The following CDYL2 variants were observed in gnomAD, a reference collection of about 807,000 sequenced individuals.
CDYL2 encodes the protein chromodomain Y like 2.
A neutral mutation model predicts 49.4 loss-of-function variants in CDYL2; 23 were observed. The ratio of observed to expected loss-of-function variants is 0.47; its 90% CI spans 0.34 to 0.66. The LOEUF (loss-of-function observed/expected upper bound fraction) is 0.66, where lower values mean the gene tolerates loss of function less well. Ranked by LOEUF, CDYL2 falls within the 30% of genes least tolerant of loss-of-function variation. The pLI, the probability that CDYL2 is intolerant of heterozygous loss-of-function variation, is 0.01. For missense variants in CDYL2, 678 were observed against 656.4 expected (o/e 1.03, Z -0.36); for synonymous variants, 360 against 268.8 (o/e 1.34, Z -3.32).
intron 2 of CDYL2, among the ~76,000 whole-genome samples, chr16:80,651,317 G>A (rs573733800): frequency 5.3e-5 from 8 of 152,240 alleles, no homozygotes; most frequent in Admixed American, 2.0e-4. Context: ...TAGTAAATGC[G>A]TATTACTAAG....
At chr16:80,654,906 A>G (rs1908740152) in intron 2 of CDYL2, among the ~76,000 whole-genome samples, 1 of 152,196 alleles carries the variant, frequency 6.6e-6, no homozygotes, top group Non-Finnish European at 1.5e-5. Flanking sequence ...GCTTGTGTAG[A>G]GGGAGTTGTT....
chr16:80,746,685 G>A lies in CDYL2; in HGVS notation c.24+57465C>T, dbSNP rs780194680. ...AGAACACTACCAGGTAGCTTAGAAGGCCCCCTTTTGCAGGTGTGAGGGTGT... is the reference window on the plus strand; with the variant it reads ...AGAACACTACCAGGTAGCTTAGAAGACCCCCTTTTGCAGGTGTGAGGGTGT... On this transcript the variant is annotated intron_variant, in intron 1 of 6. Transcript: ENST00000570137. 5.3e-5 allele frequency among the ~76,000 whole-genome samples: 8 copies of A among 152,130 alleles called. No individual in the cohort carries two copies. In the East Asian group the frequency reaches 1.5e-3, roughly 29 times the overall value.
At chr16:80,644,457 C>G (rs1007632863) in intron 2 of CDYL2, among the ~76,000 whole-genome samples, 1 of 152,176 alleles carries the variant, frequency 6.6e-6, no homozygotes, top group African/African-American at 2.4e-5. Flanking sequence ...CAGCAACATC[C>G]CACTCTACTT....
intron 1 of CDYL2, among the ~76,000 whole-genome samples, chr16:80,694,882 A>G (rs1216484976): frequency 6.6e-6 from 1 of 152,176 alleles, no homozygotes; most frequent in African/African-American, 2.4e-5. Flanking sequence ...AAATAAATAA[A>G]CCCACAATGA....
rs201536537 is a variant in CDYL2, at chr16:80,761,703, ACATATTTT to A, written c.24+42439_24+42446del. The stretch of plus-strand genomic sequence containing the variant: ...AAAGCCCTAACTTTAGAAAACTAAA[ACATATTTT>A]GAGATTCAAAAGGTATATCTACATC... On this transcript the variant is annotated intron_variant, in intron 1 of 6. Transcript: ENST00000570137. Among the ~76,000 whole-genome samples, 969 of 151,928 alleles carry A rather than the reference ACATATTTT, an allele frequency of 6.4e-3. 12 individuals are homozygous for A. Among genetic ancestry groups the A allele is most frequent in the African/African-American group, 0.023 (931 of 41,274 alleles).
intron 1 of CDYL2, among the ~76,000 whole-genome samples, chr16:80,728,635 C>T (rs1463638688): frequency 2.0e-5 from 3 of 151,178 alleles, no homozygotes; most frequent in Non-Finnish European, 4.4e-5. Context: ...AACTCCAAGA[C>T]ACATAATTGT....
At chr16:80,701,854 G>T (rs189815736) in intron 1 of CDYL2, among the ~76,000 whole-genome samples, 2 of 152,222 alleles carry the variant, frequency 1.3e-5, no homozygotes, top group East Asian at 3.9e-4. Context: ...TGAAAAAGAA[G>T]AATAATGAGA....
At chr16:80,744,517 CACCCTAT>C (rs1318621197) in intron 1 of CDYL2, among the ~76,000 whole-genome samples, 1 of 152,182 alleles carries the variant, frequency 6.6e-6, no homozygotes, top group African/African-American at 2.4e-5. Context: ...CATGTAGGAG[CACCCTAT>C]AGAAGGTACT....
chr16:80,612,616 G>T lies in CDYL2; in HGVS notation c.1218+10C>A. 1 of 1,594,716 alleles carries T rather than the reference G, an allele frequency of 6.3e-7. No individual in the cohort carries two copies. Reference sequence around the variant, plus strand: ...CTGGGACCCGAATCCAGGTATCACAGGAGGCTTACCAGCGCGACGCCCAGG... The same window carrying T: ...CTGGGACCCGAATCCAGGTATCACATGAGGCTTACCAGCGCGACGCCCAGG... On this transcript the variant is annotated intron_variant, in intron 5 of 6. Coordinates refer to ENST00000570137, the MANE Select transcript of CDYL2 (RefSeq NM_152342.4). This position sits in a 1 kb window ranked among gnomAD's most constrained non-coding sequence, Gnocchi z 5.0.
chr16:80,797,163 T>C (rs1907791005), intron 1 of CDYL2, among the ~76,000 whole-genome samples: 1 of 152,230 alleles, frequency 6.6e-6, no homozygotes. Context: ...CCAATCCCTA[T>C]CGCCATGTCA....
intron 5 of CDYL2, among the ~76,000 whole-genome samples, chr16:80,609,638 T>A (rs1040621123): frequency 1.3e-5 from 2 of 152,180 alleles, no homozygotes; most frequent in Non-Finnish European, 2.9e-5. Flanking sequence ...CCAATGAACC[T>A]GGATTCAGAT....
chr16:80,785,117 G>A (rs995034682), intron 1 of CDYL2, among the ~76,000 whole-genome samples: 3 of 152,008 alleles, frequency 2.0e-5, no homozygotes, highest in African/African-American at 7.2e-5. Context: ...GAAGACTTTG[G>A]GAGAAAGGGA....
chr16:80,619,632 C>T (rs760530482), intron 4 of CDYL2, among the ~76,000 whole-genome samples: 4 of 152,178 alleles, frequency 2.6e-5, no homozygotes, highest in East Asian at 3.9e-4. Context: ...GCTGGGACCA[C>T]GCAAAGCGCA....
At chr16:80,755,425 G>C (rs2142568583) in intron 1 of CDYL2, among the ~76,000 whole-genome samples, 1 of 152,286 alleles carries the variant, frequency 6.6e-6, no homozygotes, top group Middle Eastern at 3.4e-3. Flanking sequence ...TATCTGCAGA[G>C]AGACCTGACA....
intron 1 of CDYL2, among the ~76,000 whole-genome samples, chr16:80,785,811 C>A (rs1412594781): frequency 6.6e-6 from 1 of 152,126 alleles, no homozygotes; most frequent in Non-Finnish European, 1.5e-5. Context: ...TAACACCACA[C>A]ATCTACCGTC....
rs560122636 is a variant in CDYL2, at chr16:80,676,808, C to T, written c.616+7730G>A. Reference sequence around the variant, plus strand: ...GAGTATTTTCCCATTTTCCTGTTCTCCATAATCATTTGGATAAGGGAGGGG... The same window carrying T: ...GAGTATTTTCCCATTTTCCTGTTCTTCATAATCATTTGGATAAGGGAGGGG... On this transcript the variant is annotated intron_variant, in intron 2 of 6. Transcript: ENST00000570137. Among the ~76,000 whole-genome samples the T allele has an allele frequency of 2.0e-5, 3 of 152,178 alleles. No individual in the cohort carries two copies. In the South Asian group the frequency reaches 6.2e-4, roughly 32 times the overall value.
intron 1 of CDYL2, among the ~76,000 whole-genome samples, chr16:80,743,083 T>C (rs142232648): frequency 6.8e-4 from 103 of 152,280 alleles, no homozygotes; most frequent in African/African-American, 2.3e-3. Flanking sequence ...GACGGACTCA[T>C]TGATGGTCTA....
intron 1 of CDYL2, among the ~76,000 whole-genome samples, chr16:80,772,950 G>C (rs139021512): frequency 1.3e-5 from 2 of 152,204 alleles, no homozygotes; most frequent in African/African-American, 2.4e-5. Context: ...GTAGTTTTAA[G>C]CTCAAATATA....
At position 80,733,976 on chromosome 16, in the gene CDYL2, G is replaced by T. The variant is rs1032544878; in HGVS notation, c.25-48847C>A. 2.0e-5 allele frequency among the ~76,000 whole-genome samples: 3 copies of T among 152,162 alleles called. No homozygotes were observed. The East Asian group carries it at 5.8e-4, about 29-fold the overall frequency. ...ATGGCAAGACCCACAAGGCCTTTCA[G>T]AAATTATTCTGAATGGGAAACTGGC... On this transcript the variant is annotated intron_variant, in intron 1 of 6. Transcript: ENST00000570137.
Sources: allele counts gnomAD v4.1 joint callset (sites outside exome capture counted in the v4.1 genomes callset), GRCh38; gene constraint gnomAD v4.1.1; non-coding constraint Gnocchi (gnomAD v3.1); transcripts MANE v1.5; gene names NCBI Gene and HGNC (gene_info 2026-07-23, HGNC 2026-07-21).